Variants in CHAMP1 observed in about 807,000 individuals in gnomAD.
CHAMP1 encodes chromosome alignment maintaining phosphoprotein 1, also known as chromosome alignment-maintaining phosphoprotein 1.
Under a neutral mutation model 54.5 loss-of-function variants are expected in CHAMP1, and 4 were observed. The observed-to-expected ratio is 0.07, with a 90% CI of 0.04 to 0.17. The LOEUF (loss-of-function observed/expected upper bound fraction) is 0.17, where lower values mean the gene tolerates loss of function less well. Ranked by LOEUF, CHAMP1 falls within the 10% of genes least tolerant of loss-of-function variation. The pLI, the probability that CHAMP1 is intolerant of heterozygous loss-of-function variation, is 1.00. For missense variants in CHAMP1, 994 were observed against 968.6 expected, an observed-to-expected ratio of 1.03 and a Z score of -0.35; for synonymous variants, 368 against 342.2, an observed-to-expected ratio of 1.08 and a Z score of -0.83.
At position 114,324,273 on chromosome 13, in the gene CHAMP1, A is replaced by C; in HGVS notation, c.431A>C (p.Glu144Ala). 6.2e-7 allele frequency: 1 copy of C among 1,614,160 alleles called. No homozygotes were observed. Reference sequence around the variant, plus strand: ...AAACTTGGTTCAGTTTTGTCTCCAGAATCGCCAAAACCTACTCCTCTTACT... The same window carrying C: ...AAACTTGGTTCAGTTTTGTCTCCAGCATCGCCAAAACCTACTCCTCTTACT... ...TQKLGSVLSPESPKPTPLTPL... is the reference protein window; with the variant it reads ...TQKLGSVLSPASPKPTPLTPL... Residue 144 changes from glutamate (E) to alanine (A), a missense_variant, in exon 3 of 3, where the codon GAA (glutamate) becomes GCA (alanine). Around this residue, in one of 3 missense-constraint regions of CHAMP1, gnomAD observed 851 missense variants for 701.3 expected, o/e 1.21. Transcript: ENST00000361283.
At position 114,318,857 on chromosome 13, in the gene CHAMP1, C is replaced by CTTTTTTT. The variant is rs56669844; in HGVS notation, c.-178-2230_-178-2224dup. ...AAGGGCCATCTGCCATCCTGGTTGC[C>CTTTTTTT]TTTTTTTTTTTTTTTTTTTTTTTTT... is the stretch of plus-strand genomic sequence containing the variant. On this transcript the variant is annotated intron_variant, in intron 1 of 2. Transcript: ENST00000361283. 1.1e-3 allele frequency among the ~76,000 whole-genome samples: 26 copies of CTTTTTTT among 24,196 alleles called. 1 individual carries two copies. Among genetic ancestry groups the CTTTTTTT allele is most frequent in the East Asian group, 3.0e-3 (2 of 672 alleles). 15.9% of individuals were successfully genotyped at this position (24,196 alleles called of 152,430 possible).
At chr13:114,320,806 A>AAAT (rs1298688486) in intron 1 of CHAMP1, among the ~76,000 whole-genome samples, 1 of 152,018 alleles carries the variant, frequency 6.6e-6, no homozygotes, top group Non-Finnish European at 1.5e-5. Flanking sequence ...AATACAAAAA[A>AAAT]CTAGCCGGGC....
Position 114,325,160 on chromosome 13 carries a change from A to G in CHAMP1, c.1318A>G (p.Arg440Gly), listed in dbSNP as rs1555379729. 6.2e-7 allele frequency: 1 copy of G among 1,614,194 alleles called. No individual in the cohort carries two copies. The highest frequency in any genetic ancestry group is 1.1e-5 in the South Asian group (1 of 91,086). Residue 440 changes from arginine (R) to glycine (G), a missense_variant, in exon 3 of 3, where the codon AGA becomes GGA. Arg to Gly is a moderately radical substitution (Grantham distance 125). Transcript: ENST00000361283. The part of the protein sequence containing the change: ...IRSPAGSPEL[R>G]KPSGSPDLWK... ...TAGTCCAGCAGGATCTCCAGAGCTC[A>G]GAAAACCCTCAGGGTCACCAGATCT... is the stretch of plus-strand genomic sequence containing the variant.
rs1173593445 is a variant in CHAMP1 at position 114,324,426 on chromosome 13, A to G, written c.584A>G (p.Glu195Gly). 50 of 1,613,980 alleles carry G rather than the reference A, an allele frequency of 3.1e-5. No individual in the cohort carries two copies. The highest frequency in any genetic ancestry group is 4.0e-5 in the Non-Finnish European group (47 of 1,180,034). ...CCTCCAAAATCAGTCCCTGTTTGTG[A>G]GTCTCAGAAACTTGCCCCTGTTCCT... ...PEPPKSVPVC[E>G]SQKLAPVPSP... The change falls in exon 3 of 3, where the codon GAG (glutamate) becomes GGG (glycine). Residue 195 changes from glutamate to glycine, a missense_variant. By Grantham distance (98) the Glu-to-Gly change is moderately conservative (BLOSUM62 -2). Transcript: ENST00000361283.
chr13:114,317,922 C>G (rs1228666955), intron 1 of CHAMP1, among the ~76,000 whole-genome samples: 3 of 152,104 alleles, frequency 2.0e-5, no homozygotes, highest in Non-Finnish European at 2.9e-5. Context: ...TGTAATCTGT[C>G]TCAAAGACAA....
chr13:114,319,745 A>G (rs1313129862), intron 1 of CHAMP1, among the ~76,000 whole-genome samples: 1 of 152,224 alleles, frequency 6.6e-6, no homozygotes, highest in Non-Finnish European at 1.5e-5. Flanking sequence ...CCCTGTGTTT[A>G]CAGAAAGACA....
chr13:114,318,312 A>AT (rs34593070), intron 1 of CHAMP1, among the ~76,000 whole-genome samples: 11,930 of 134,746 alleles, frequency 0.089, 632 homozygotes, highest in South Asian at 0.2. Context: ...GCTGATCATC[A>AT]TTTTTTTTTT....
chr13:114,320,825 G>A (rs1445082248), intron 1 of CHAMP1, among the ~76,000 whole-genome samples: 7 of 151,912 alleles, frequency 4.6e-5, no homozygotes, highest in Admixed American at 1.3e-4. Context: ...GCGTGGTGGC[G>A]GGCGCCTGTA....
intron 1 of CHAMP1, among the ~76,000 whole-genome samples, chr13:114,315,126 A>G (rs2087079578): frequency 6.6e-6 from 1 of 152,218 alleles, no homozygotes; most frequent in Non-Finnish European, 1.5e-5. Context: ...ATTTGAATAG[A>G]TATTTCTCCA....
chr13:114,319,444 T>G (rs552638803), intron 1 of CHAMP1, among the ~76,000 whole-genome samples: 2 of 152,276 alleles, frequency 1.3e-5, no homozygotes, highest in African/African-American at 4.8e-5. Context: ...TAGTCCCTCC[T>G]CTCCAGGAGC....
At chr13:114,320,934 C>T (rs1333178200) in intron 1 of CHAMP1, among the ~76,000 whole-genome samples, 176 bp from the exon 2 acceptor site, 1 of 147,718 alleles carries the variant, frequency 6.8e-6, no homozygotes, top group Non-Finnish European at 1.5e-5. Context: ...CCAGCCTGGG[C>T]GACAGAGCAA....
chr13:114,318,289 C>T (rs912368882), intron 1 of CHAMP1, among the ~76,000 whole-genome samples: 1 of 151,534 alleles, frequency 6.6e-6, no homozygotes, highest in Non-Finnish European at 1.5e-5. Context: ...TCTGAAGATC[C>T]TTCTAGTCCT....
At position 114,326,334 on chromosome 13, in the gene CHAMP1, G is replaced by C; in HGVS notation, c.*53G>C. On this transcript the variant is annotated 3_prime_UTR_variant, in exon 3 of 3. Transcript: ENST00000361283. The stretch of plus-strand genomic sequence containing the variant: ...AAGGTGTTTGTTGGAACCATTCTTT[G>C]TAAGTATAGCTTATCAGATAGCATA... 8 of 1,513,896 alleles carry C rather than the reference G, an allele frequency of 5.3e-6. No homozygotes were observed. In the South Asian group the frequency reaches 9.6e-5, roughly 18 times the overall value. 93.8% of individuals were successfully genotyped at this position (1,513,896 alleles called of 1,614,324 possible). A position where few individuals can be genotyped will look rare whatever the true frequency, so the allele number is the denominator to read the frequency against.
rs1178749252 is a variant in CHAMP1, at chr13:114,326,653, T to G, written c.*372T>G. The G allele has an allele frequency of 5.6e-6, 1 of 179,262 alleles. No homozygotes were observed. Among genetic ancestry groups the G allele is most frequent in the Non-Finnish European group, 1.3e-5 (1 of 77,034 alleles). The allele number at this position is 179,262 out of a possible 1,614,324, so 11.1% of individuals were successfully genotyped here. On this transcript the variant is annotated 3_prime_UTR_variant, in exon 3 of 3. Coordinates refer to ENST00000361283, the MANE Select transcript of CHAMP1 (RefSeq NM_032436.4). ...AATTTCAGACAATAGAAAATATTAGTTGAAATGTTTAAGAATTAGGCATGA... is the reference window on the plus strand; with the variant it reads ...AATTTCAGACAATAGAAAATATTAGGTGAAATGTTTAAGAATTAGGCATGA...
intron 1 of CHAMP1, among the ~76,000 whole-genome samples, chr13:114,318,474 C>T (rs1176837205): frequency 6.6e-6 from 1 of 152,082 alleles, no homozygotes; most frequent in African/African-American, 2.4e-5. Flanking sequence ...TAGGTGCATT[C>T]TGCTGCACCC....
Position 114,325,956 on chromosome 13 carries a change from G to T in CHAMP1, c.2114G>T (p.Gly705Val). The T allele has an allele frequency of 1.2e-6, 2 of 1,614,180 alleles. No homozygotes were observed. The highest frequency in any genetic ancestry group is 1.7e-6 in the Non-Finnish European group (2 of 1,180,024). Residue 705 changes from glycine (G) to valine (V), a missense_variant, in exon 3 of 3, where the codon GGA (glycine) becomes GTA (valine). Transcript: ENST00000361283. ...GAGATTGCAAAATACATGAAGCGTG[G>T]AAAAGGAAAGTATTATTGCAAAATT... ...EEEIAKYMKR[G>V]KGKYYCKICC...
chr13:114,323,294 C>A (rs1308900431), intron 2 of CHAMP1: 1 of 152,262 alleles, frequency 6.6e-6, no homozygotes, highest in East Asian at 1.9e-4. Flanking sequence ...TTAAAGTCAT[C>A]TTTTTATAGC....
At position 114,324,405 on chromosome 13, in the gene CHAMP1, C is replaced by G; in HGVS notation, c.563C>G (p.Pro188Arg). 2 of 1,614,144 alleles carry G rather than the reference C, an allele frequency of 1.2e-6. No individual in the cohort carries two copies. The highest frequency in any genetic ancestry group is 1.7e-6 in the Non-Finnish European group (2 of 1,180,022). The change falls in exon 3 of 3, where the codon CCA (proline) becomes CGA (arginine). Residue 188 changes from proline (P) to arginine (R), a missense_variant. Around this residue, in one of 3 missense-constraint regions of CHAMP1, gnomAD observed 851 missense variants for 701.3 expected, o/e 1.21. Transcript: ENST00000361283. ...KPASVSSPEP[P>R]KSVPVCESQK... ...GCCTCTGTTTCTTCTCCTGAACCTC[C>G]AAAATCAGTCCCTGTTTGTGAGTCT...
At chr13:114,315,295 A>G (rs538822327) in intron 1 of CHAMP1, among the ~76,000 whole-genome samples, 3 of 152,180 alleles carry the variant, frequency 2.0e-5, no homozygotes, top group Non-Finnish European at 4.4e-5. Context: ...ATGTGGAGAA[A>G]TTGAAGCTCG....
Sources: allele counts gnomAD v4.1 joint callset (sites outside exome capture counted in the v4.1 genomes callset), GRCh38; gene constraint gnomAD v4.1.1; regional missense constraint gnomAD v4.1.1; transcripts MANE v1.5; gene names NCBI Gene and HGNC (gene_info 2026-07-23, HGNC 2026-07-21).